Variants in GMDS observed in about 807,000 individuals in gnomAD.
GMDS encodes GDP-mannose 4,6 dehydratase.
Under a neutral mutation model 49.9 loss-of-function variants are expected in GMDS, and 20 were observed. That is an observed-to-expected ratio of 0.40 (90% CI 0.28 to 0.58). GMDS has a LOEUF of 0.58. Among genes scored for constraint, GMDS ranks in the 20% least tolerant of loss-of-function variants. The probability of loss-of-function intolerance (pLI) is 0.42; values close to 1 mark genes in which losing one functional copy is unlikely to be tolerated. For synonymous variants in GMDS, 177 were observed against 178.6 expected, an observed-to-expected ratio of 0.99 and a Z score of 0.07; for missense variants, 362 against 481.4, an observed-to-expected ratio of 0.75 and a Z score of 2.32.
intron 7 of GMDS, among the ~76,000 whole-genome samples, chr6:1,829,534 A>T (rs112574262): frequency 0.01 from 1,570 of 152,184 alleles, 21 homozygotes; most frequent in Non-Finnish European, 0.014. Context: ...TTCTGGGCTC[A>T]CTCAGGTGAT....
At chr6:2,021,090 TC>T (rs1358077768) in intron 4 of GMDS, among the ~76,000 whole-genome samples, 3 of 152,220 alleles carry the variant, frequency 2.0e-5, no homozygotes, top group Non-Finnish European at 4.4e-5. Context: ...GAGCAGGAAC[TC>T]CACATCCTGT....
In GMDS at chr6:1,953,185, C is replaced by T. The variant is rs539767081; in HGVS notation, c.643+6682G>A. Among the ~76,000 whole-genome samples the T allele has an allele frequency of 2.9e-4, 44 of 152,340 alleles. No individual in the cohort carries two copies. In the South Asian group the frequency reaches 8.7e-3, roughly 30 times the overall value. ...GCACAGAACAACTTTCTCCGTCACA[C>T]CCCTGGGTCAGGGCTTTCTCCTCCA... On this transcript the variant is annotated intron_variant, in intron 6 of 10. Coordinates refer to ENST00000380815, the MANE Select transcript of GMDS (RefSeq NM_001500.4).
Position 1,640,817 on chromosome 6 carries a change from G to A in GMDS, c.988-16277C>T, listed in dbSNP as rs547322403. Reference sequence around the variant, plus strand: ...CTGATAAAAAGAAAATTGGGTAATGGGGGGGGTCACGAATGCCAACACGGT... The same window carrying A: ...CTGATAAAAAGAAAATTGGGTAATGAGGGGGGTCACGAATGCCAACACGGT... On this transcript the variant is annotated intron_variant, in intron 9 of 10. Coordinates refer to ENST00000380815, the MANE Select transcript of GMDS (RefSeq NM_001500.4). This position sits in a 1 kb window ranked among gnomAD's most constrained non-coding sequence, Gnocchi z 4.0. Among the ~76,000 whole-genome samples, 3 of 116,132 alleles carry A rather than the reference G, an allele frequency of 2.6e-5. No individual in the cohort carries two copies. In the South Asian group the frequency reaches 7.0e-4, roughly 27 times the overall value. 76.2% of individuals were successfully genotyped at this position (116,132 alleles called of 152,430 possible). A position where few individuals can be genotyped will look rare whatever the true frequency, so the allele number is the denominator to read the frequency against.
At chr6:1,745,524 C>T (rs1010170706) in intron 7 of GMDS, among the ~76,000 whole-genome samples, 4 of 152,146 alleles carry the variant, frequency 2.6e-5, no homozygotes, top group African/African-American at 4.8e-5. Flanking sequence ...CTTTAAACAC[C>T]GGCCCGGGTC....
chr6:2,143,328 C>T (rs1776396973), intron 1 of GMDS, among the ~76,000 whole-genome samples: 1 of 152,134 alleles, frequency 6.6e-6, no homozygotes, highest in African/African-American at 2.4e-5. Flanking sequence ...ACTACTGACC[C>T]TTTCTCTGCA....
intron 7 of GMDS, among the ~76,000 whole-genome samples, chr6:1,896,893 G>C (rs1172395022): frequency 6.6e-6 from 1 of 152,224 alleles, no homozygotes; most frequent in Non-Finnish European, 1.5e-5. Flanking sequence ...CAGGGAGACA[G>C]GGATTTGACT....
intron 4 of GMDS, among the ~76,000 whole-genome samples, chr6:2,035,541 C>A (rs572247786): frequency 6.6e-6 from 1 of 152,146 alleles, no homozygotes; most frequent in African/African-American, 2.4e-5. Context: ...TATCCCCCAT[C>A]ATACATACCA....
chr6:1,704,546 C>A (rs1427956707), intron 9 of GMDS, among the ~76,000 whole-genome samples: 1 of 152,084 alleles, frequency 6.6e-6, no homozygotes, highest in South Asian at 2.1e-4. Flanking sequence ...AAAGGAACAC[C>A]CCAGAAAGGA....
chr6:1,878,115 C>G (rs138028131), intron 7 of GMDS, among the ~76,000 whole-genome samples: 2,991 of 152,086 alleles, frequency 0.02, 106 homozygotes, highest in African/African-American at 0.07. Flanking sequence ...AGATCGAGAC[C>G]ATCCTGGCTA....
intron 1 of GMDS, among the ~76,000 whole-genome samples, chr6:2,161,922 C>T (rs1295712460): frequency 6.6e-6 from 1 of 152,180 alleles, no homozygotes; most frequent in East Asian, 1.9e-4. Context: ...TGTCAATAAA[C>T]TCAAAAGCAA....
chr6:1,812,748 A>C (rs1205240479), intron 7 of GMDS, among the ~76,000 whole-genome samples: 1 of 152,204 alleles, frequency 6.6e-6, no homozygotes, highest in African/African-American at 2.4e-5. Flanking sequence ...GTAAATTCTC[A>C]GTCTCATTGA....
At chr6:1,880,487 A>C (rs536001330) in intron 7 of GMDS, among the ~76,000 whole-genome samples, 1 of 152,050 alleles carries the variant, frequency 6.6e-6, no homozygotes, top group African/African-American at 2.4e-5. Flanking sequence ...AATTTTTAAA[A>C]ATGTAAGTGA....
At chr6:2,140,624 G>A (rs544158281) in intron 1 of GMDS, among the ~76,000 whole-genome samples, 3 of 152,324 alleles carry the variant, frequency 2.0e-5, no homozygotes, top group African/African-American at 7.2e-5. Flanking sequence ...AGCTGGTGGT[G>A]AAAGCATGCA....
intron 8 of GMDS, among the ~76,000 whole-genome samples, chr6:1,741,486 AAAAT>A (rs1327553981): frequency 6.6e-6 from 1 of 151,966 alleles, no homozygotes; most frequent in Non-Finnish European, 1.5e-5. Flanking sequence ...AGAAATTTGG[AAAAT>A]TTTCCAAATT....
At chr6:1,655,521 ATTT>A (rs70989196) in intron 9 of GMDS, among the ~76,000 whole-genome samples, 85 of 144,594 alleles carry the variant, frequency 5.9e-4, no homozygotes, top group African/African-American at 2.0e-3. Context: ...ACACACACAT[ATTT>A]TTTTTTTTTG....
At chr6:1,809,974 G>A (rs573409493) in intron 7 of GMDS, among the ~76,000 whole-genome samples, 12 of 152,142 alleles carry the variant, frequency 7.9e-5, no homozygotes, top group African/African-American at 2.9e-4. Flanking sequence ...AAACATTGGA[G>A]GGTTATTTTT....
chr6:2,222,285 G>A (rs1481051198), intron 1 of GMDS, among the ~76,000 whole-genome samples: 2 of 152,170 alleles, frequency 1.3e-5, no homozygotes, highest in Non-Finnish European at 2.9e-5. Context: ...CTTTCCCTAG[G>A]CGTCTAAAAT....
intron 9 of GMDS, among the ~76,000 whole-genome samples, chr6:1,703,314 A>G (rs1765609884): frequency 6.6e-6 from 1 of 152,030 alleles, no homozygotes; most frequent in East Asian, 1.9e-4. Flanking sequence ...GTTTTAACTG[A>G]TAGTTTGTAA....
intron 9 of GMDS, among the ~76,000 whole-genome samples, chr6:1,669,580 G>T (rs1245708944): frequency 6.6e-6 from 1 of 152,158 alleles, no homozygotes; most frequent in Admixed American, 6.5e-5. Context: ...CTTCACCGCA[G>T]CTCAGGCACC....
Sources: allele counts gnomAD v4.1 joint callset (sites outside exome capture counted in the v4.1 genomes callset), GRCh38; gene constraint gnomAD v4.1.1; non-coding constraint Gnocchi (gnomAD v3.1); transcripts MANE v1.5; gene names NCBI Gene and HGNC (gene_info 2026-07-23, HGNC 2026-07-21).